KLF15: variants seen among roughly 807,000 people sequenced by gnomAD.
KLF15 encodes the protein Krueppel-like factor 15.
KLF15 carries 4 observed loss-of-function variants against 24.6 expected under a neutral mutation model. That is an observed-to-expected ratio of 0.16 (90% CI 0.08 to 0.37). The LOEUF is 0.37. Ranked by LOEUF, KLF15 falls within the 10% of genes least tolerant of loss-of-function variation. KLF15 has a pLI of 1.00. For missense variants in KLF15, 496 were observed against 560.6 expected, an observed-to-expected ratio of 0.88 and a Z score of 1.16; for synonymous variants, 246 against 236.3, an observed-to-expected ratio of 1.04 and a Z score of -0.37.
At chr3:126,355,439 C>T (rs1576590608) in intron 1 of KLF15, among the ~76,000 whole-genome samples, 1 of 152,312 alleles carries the variant, frequency 6.6e-6, no homozygotes, top group East Asian at 1.9e-4. Flanking sequence ...TCAGCCTCAG[C>T]CCGGGGCCAC....
chr3:126,355,920 G>A (rs544626841), intron 1 of KLF15, among the ~76,000 whole-genome samples: 1 of 152,322 alleles, frequency 6.6e-6, no homozygotes, highest in African/African-American at 2.4e-5. Context: ...GAGCTGGCTC[G>A]GCCCCTGAAA....
the KLF15 span, chr3:126,289,026 G>C: frequency 6.6e-6 from 1 of 152,136 alleles, no homozygotes; most frequent in Non-Finnish European, 1.5e-5. Flanking sequence ...TCCAGAAACA[G>C]ATTCATGTTT....
Position 126,352,336 on chromosome 3 carries a change from G to A in KLF15, c.587C>T (p.Pro196Leu), listed in dbSNP as rs1312895923. The A allele has an allele frequency of 1.3e-6, 2 of 1,583,204 alleles. No individual in the cohort carries two copies. Residue 196 changes from proline to leucine, a missense_variant, in exon 2 of 3, where the codon CCA becomes CTA. Transcript: ENST00000296233. ...GGCACCTCCTGCACTGGCACCACCT[G>A]GTGGAGGGGAACAGCGCTCTCTCCC... The part of the protein sequence containing the change: ...SSGRERCSPP[P>L]GGASAGGAQG...
the KLF15 span, among the ~76,000 whole-genome samples, chr3:126,302,506 T>A: frequency 2.0e-5 from 3 of 152,312 alleles, no homozygotes; most frequent in East Asian, 5.8e-4. Flanking sequence ...ATTATGATTG[T>A]AGATTTATCT....
At chr3:126,295,153 C>T in the KLF15 span, among the ~76,000 whole-genome samples, 7 of 152,146 alleles carry the variant, frequency 4.6e-5, no homozygotes, top group Non-Finnish European at 1.0e-4. Flanking sequence ...TACATATATG[C>T]TCATAAAGAA....
intron 2 of KLF15, among the ~76,000 whole-genome samples, chr3:126,350,481 T>A (rs2082574178): frequency 6.6e-6 from 1 of 152,174 alleles, no homozygotes; most frequent in South Asian, 2.1e-4. Flanking sequence ...AGATTGGCAC[T>A]CAATGGAAAG....
chr3:126,323,404 T>TATATATATATATATATATATATATAAC, the KLF15 span, among the ~76,000 whole-genome samples: 1 of 25,824 alleles, frequency 3.9e-5, no homozygotes, highest in African/African-American at 2.5e-4. Context: ...CCCCAGTAGT[T>TATATATATATATATATATATATATAAC]ATATATATAT....
At chr3:126,291,101 G>A in the KLF15 span, 45 of 152,302 alleles carry the variant, frequency 3.0e-4, no homozygotes, top group African/African-American at 1.1e-3. Context: ...CCTAGGGAGG[G>A]GCTCCCACAG....
Position 126,353,635 on chromosome 3 carries a change from T to C in KLF15, c.-25-688A>G, listed in dbSNP as rs188533324. On this transcript the variant is annotated intron_variant, in intron 1 of 2. Coordinates refer to ENST00000296233, the MANE Select transcript of KLF15 (RefSeq NM_014079.4). ...GCATTTTAACTGGGCAAGTGTAGCA[T>C]GTAGGCAAAACAGTCAAAGACCAAA... Among the ~76,000 whole-genome samples, 346 of 152,366 alleles carry C rather than the reference T, an allele frequency of 2.3e-3. 1 individual carries two copies. The highest frequency in any genetic ancestry group is 7.9e-3 in the African/African-American group (328 of 41,588).
the KLF15 span, among the ~76,000 whole-genome samples, chr3:126,328,712 C>T: frequency 5.9e-5 from 9 of 152,316 alleles, no homozygotes; most frequent in South Asian, 1.7e-3. Flanking sequence ...AACTCTTTCC[C>T]CCATGCTTGG....
At chr3:126,315,933 G>A in the KLF15 span, among the ~76,000 whole-genome samples, 1 of 152,146 alleles carries the variant, frequency 6.6e-6, no homozygotes, top group Non-Finnish European at 1.5e-5. Flanking sequence ...TGACAACTAG[G>A]TCATGGCTGA....
the KLF15 span, among the ~76,000 whole-genome samples, chr3:126,320,144 G>A: frequency 9.8e-5 from 15 of 152,324 alleles, no homozygotes; most frequent in South Asian, 3.1e-3. Flanking sequence ...TGAGGTGATA[G>A]GGAGTGCTGA....
the KLF15 span, among the ~76,000 whole-genome samples, chr3:126,300,513 C>T: frequency 1.3e-5 from 2 of 152,200 alleles, no homozygotes; most frequent in Admixed American, 1.3e-4. Flanking sequence ...CAGGCATCCT[C>T]CCATGGCTCC....
At chr3:126,331,307 A>G in the KLF15 span, among the ~76,000 whole-genome samples, 5 of 152,246 alleles carry the variant, frequency 3.3e-5, no homozygotes, top group Non-Finnish European at 7.3e-5. Context: ...CCTCTCTGGG[A>G]ATACAAACCA....
At chr3:126,330,282 A>G in the KLF15 span, among the ~76,000 whole-genome samples, 1 of 152,192 alleles carries the variant, frequency 6.6e-6, no homozygotes, top group South Asian at 2.1e-4. Context: ...TCATAGCTCT[A>G]GTACTAAATC....
chr3:126,344,552 A>ACT (rs1453319276), intron 2 of KLF15, among the ~76,000 whole-genome samples: 3 of 152,082 alleles, frequency 2.0e-5, no homozygotes, highest in African/African-American at 7.2e-5. Flanking sequence ...CCACAGGTGC[A>ACT]CTCAGTCGCT....
the KLF15 span, among the ~76,000 whole-genome samples, chr3:126,313,635 A>G: frequency 6.6e-6 from 1 of 152,080 alleles, no homozygotes; most frequent in South Asian, 2.1e-4. Flanking sequence ...CATTTTTCAC[A>G]CTTGTCATCC....
the KLF15 span, among the ~76,000 whole-genome samples, chr3:126,316,102 C>T: frequency 6.6e-6 from 1 of 152,118 alleles, no homozygotes; most frequent in Admixed American, 6.5e-5. Flanking sequence ...CAAATAATTG[C>T]GGCAGAGACC....
chr3:126,344,441 C>T (rs989363224), intron 2 of KLF15, among the ~76,000 whole-genome samples: 1 of 152,212 alleles, frequency 6.6e-6, no homozygotes, highest in Non-Finnish European at 1.5e-5. Context: ...TGGGAACTGC[C>T]AGAGCAGCTG....
Sources: gnomAD v4.1 joint callset for allele counts (sites outside exome capture counted in the v4.1 genomes callset) on GRCh38, gnomAD v4.1.1 for gene constraint, MANE v1.5 for transcripts, NCBI Gene and HGNC (gene_info 2026-07-23, HGNC 2026-07-21) for gene names.